TULP3: variants seen among roughly 807,000 people sequenced by gnomAD.
TULP3 encodes TUB like protein 3, also known as tubby-related protein 3.
Under a neutral mutation model 50.7 loss-of-function variants are expected in TULP3, and 38 were observed. The observed-to-expected ratio is 0.75, with a 90% CI of 0.58 to 0.98. The LOEUF is 0.98. Among genes scored for constraint, TULP3 ranks in the 50% least tolerant of loss-of-function variants. The probability of loss-of-function intolerance (pLI) is 0.00; values close to 1 mark genes in which losing one functional copy is unlikely to be tolerated. For synonymous variants in TULP3, 183 were observed against 196.6 expected, an observed-to-expected ratio of 0.93 and a Z score of 0.58; for missense variants, 550 against 568.0, an observed-to-expected ratio of 0.97 and a Z score of 0.32.
intron 1 of TULP3, among the ~76,000 whole-genome samples, chr12:2,900,692 A>C (rs2098178627): frequency 8.2e-6 from 1 of 121,820 alleles, no homozygotes; most frequent in African/African-American, 3.5e-5. Context: ...TAGACCTTGC[A>C]GATACTTTTT....
At position 2,941,033 on chromosome 12, in the gene TULP3, T is replaced by C. The variant is rs1056621734; in HGVS notation, c.*1589T>C. The C allele has an allele frequency of 1.2e-4, 37 of 313,966 alleles. 1 individual carries two copies. The highest frequency in any genetic ancestry group is 2.4e-4 in the Admixed American group (5 of 21,014). 19.4% of individuals were successfully genotyped at this position (313,966 alleles called of 1,614,324 possible). On this transcript the variant is annotated 3_prime_UTR_variant, in exon 11 of 11. Coordinates refer to ENST00000448120, the MANE Select transcript of TULP3 (RefSeq NM_003324.5). ...TTCCTCCCTCTGGTTTAAAGAGATATATAAACTAATTTCACATAATTTGTG... is the reference window on the plus strand; with the variant it reads ...TTCCTCCCTCTGGTTTAAAGAGATACATAAACTAATTTCACATAATTTGTG...
intron 1 of TULP3, among the ~76,000 whole-genome samples, chr12:2,905,655 T>G (rs986619239): frequency 1.7e-4 from 26 of 152,202 alleles, no homozygotes; most frequent in African/African-American, 6.0e-4. Flanking sequence ...TCAAAATGCT[T>G]TGATTATACC....
At chr12:2,896,270 C>T (rs993984325) in intron 1 of TULP3, among the ~76,000 whole-genome samples, 3 of 152,180 alleles carry the variant, frequency 2.0e-5, no homozygotes, top group Non-Finnish European at 2.9e-5. Flanking sequence ...TTAGGGGACC[C>T]CTGTTGTATA....
intron 4 of TULP3, 99 bp from the exon 5 acceptor site, chr12:2,930,149 G>A (rs968132642): frequency 6.1e-6 from 5 of 825,822 alleles, no homozygotes; most frequent in African/African-American, 1.7e-5. Flanking sequence ...GGTCAGAATA[G>A]TTAAGAATGT....
rs191893701 is a variant in TULP3, at chr12:2,940,368, G to A, written c.*924G>A. 1.4e-6 allele frequency: 2 copies of A among 1,454,614 alleles called. No individual in the cohort carries two copies. Among genetic ancestry groups the A allele is most frequent in the Non-Finnish European group, 1.8e-6 (2 of 1,109,808 alleles). 90.1% of individuals were successfully genotyped at this position (1,454,614 alleles called of 1,614,324 possible). On this transcript the variant is annotated 3_prime_UTR_variant, in exon 11 of 11. Transcript: ENST00000448120. ...GCAGGAGAGGCTTTGGGGAGGATCA[G>A]CCAGCAGACATGAGCACTGCTGGCC...
intron 1 of TULP3, among the ~76,000 whole-genome samples, chr12:2,900,183 A>T (rs957349780): frequency 6.6e-6 from 1 of 152,176 alleles, no homozygotes; most frequent in Non-Finnish European, 1.5e-5. Context: ...AGATCGCGCC[A>T]CTGTACTCCA....
chr12:2,930,983 G>GA (rs1247466709), intron 5 of TULP3, 54 bp from the exon 6 acceptor site: 1 of 1,595,460 alleles, frequency 6.3e-7, no homozygotes, highest in African/African-American at 1.3e-5. Context: ...TTTTCAAAGA[G>GA]AATCAGATTT....
intron 8 of TULP3, among the ~76,000 whole-genome samples, chr12:2,936,468 AG>A (rs1275283939): frequency 3.4e-5 from 5 of 147,756 alleles, no homozygotes; most frequent in African/African-American, 1.3e-4. Flanking sequence ...CAAGAGTAAG[AG>A]GCCGGGCGTG....
chr12:2,921,641 A>G (rs1353811255), intron 3 of TULP3, among the ~76,000 whole-genome samples: 2 of 152,196 alleles, frequency 1.3e-5, no homozygotes, highest in Non-Finnish European at 2.9e-5. Flanking sequence ...CCTCTAAATC[A>G]AGCCACTGGA....
intron 2 of TULP3, among the ~76,000 whole-genome samples, chr12:2,917,982 C>T (rs575858336): frequency 2.1e-4 from 32 of 151,554 alleles, no homozygotes; most frequent in Non-Finnish European, 4.1e-4. Flanking sequence ...CTAGCTACTC[C>T]GGAGGCTGAG....
In TULP3 at chr12:2,938,056, C is replaced by T. The variant is rs888130572; in HGVS notation, c.1024-58C>T. 1.5e-5 allele frequency: 23 copies of T among 1,575,952 alleles called. No individual in the cohort carries two copies. In the African/African-American group the frequency reaches 2.7e-4, roughly 18 times the overall value. On this transcript the variant is annotated intron_variant, in intron 9 of 10. Coordinates refer to ENST00000448120, the MANE Select transcript of TULP3 (RefSeq NM_003324.5). ...TGGAGAAAGTATTCTCCTACTCTAC[C>T]TTCTACCTCGTAGAGTTGGAGTTCT...
chr12:2,911,664 C>CTTTCT (rs2098185714), intron 2 of TULP3, among the ~76,000 whole-genome samples: 1 of 38,130 alleles, frequency 2.6e-5, no homozygotes, highest in Admixed American at 4.1e-4. Context: ...TGCGCCCAGC[C>CTTTCT]TTTTTTTTTT....
Position 2,900,257 on chromosome 12 carries a change from A to G in TULP3, c.41+9269A>G, listed in dbSNP as rs141929469. Among the ~76,000 whole-genome samples the G allele has an allele frequency of 5.2e-3, 788 of 152,212 alleles. 5 individuals carry two copies. Among genetic ancestry groups the G allele is most frequent in the African/African-American group, 0.018 (731 of 41,548 alleles). ...ACAAAAAAACTTGGATTCTAAAGAT[A>G]CGTTGTTCTGTAGATGGTCTCTGGA... On this transcript the variant is annotated intron_variant, in intron 1 of 10. Coordinates refer to ENST00000448120, the MANE Select transcript of TULP3 (RefSeq NM_003324.5).
chr12:2,904,077 T>C (rs1214311428), intron 1 of TULP3, among the ~76,000 whole-genome samples: 1 of 152,164 alleles, frequency 6.6e-6, no homozygotes, highest in Non-Finnish European at 1.5e-5. Context: ...CCACCGTGCC[T>C]GGCCTAATGT....
intron 1 of TULP3, among the ~76,000 whole-genome samples, chr12:2,894,538 A>AACACACACACACACACACACACAC (rs56834874): frequency 4.7e-5 from 7 of 147,726 alleles, no homozygotes; most frequent in African/African-American, 1.8e-4. Flanking sequence ...CCGTCTCAAA[A>AACACACACACACACACACACACAC]ACACACACAC....
Position 2,940,643 on chromosome 12 carries a change from C to T in TULP3, c.*1199C>T, listed in dbSNP as rs753542913. On this transcript the variant is annotated 3_prime_UTR_variant, in exon 11 of 11. Coordinates refer to ENST00000448120, the MANE Select transcript of TULP3 (RefSeq NM_003324.5). ...CCAGCGTTGGGTGGGACACCCGTGGCGGCTGCTCCCTCAGACCTCCCTTCT... is the reference window on the plus strand; with the variant it reads ...CCAGCGTTGGGTGGGACACCCGTGGTGGCTGCTCCCTCAGACCTCCCTTCT... 19 of 1,551,596 alleles carry T rather than the reference C, an allele frequency of 1.2e-5. No individual in the cohort carries two copies. The highest frequency in any genetic ancestry group is 8.3e-5 in the South Asian group (7 of 84,066).
rs1344763955 is a variant in TULP3, at chr12:2,894,299, GC to G, written c.41+3312del. Among the ~76,000 whole-genome samples, 24 of 118,406 alleles carry G rather than the reference GC, an allele frequency of 2.0e-4. 1 individual carries two copies. The highest frequency in any genetic ancestry group is 9.0e-4 in the Admixed American group (10 of 11,100). 77.7% of individuals were successfully genotyped at this position (118,406 alleles called of 152,430 possible). A position where few individuals can be genotyped will look rare whatever the true frequency, so the allele number is the denominator to read the frequency against. The stretch of plus-strand genomic sequence containing the variant: ...GAGGCCGAGATGGCGGGGGGGCGGG[GC>G]GGGGGGGGGGAAATCACCTGAGGTC... On this transcript the variant is annotated intron_variant, in intron 1 of 10. Coordinates refer to ENST00000448120, the MANE Select transcript of TULP3 (RefSeq NM_003324.5).
chr12:2,940,712 C>T lies in TULP3; in HGVS notation c.*1268C>T, dbSNP rs2098204304. On this transcript the variant is annotated 3_prime_UTR_variant, in exon 11 of 11. Coordinates refer to ENST00000448120, the MANE Select transcript of TULP3 (RefSeq NM_003324.5). ...TCCGCCTGTTGTTCCTGCACCACATCAGATAAGCATGTGAAGGAGGGCCAA... is the reference window on the plus strand; with the variant it reads ...TCCGCCTGTTGTTCCTGCACCACATTAGATAAGCATGTGAAGGAGGGCCAA... 6.4e-7 allele frequency: 1 copy of T among 1,550,550 alleles called. No individual in the cohort carries two copies. The highest frequency in any genetic ancestry group is 2.0e-5 in the Admixed American group (1 of 50,848).
intron 4 of TULP3, among the ~76,000 whole-genome samples, chr12:2,923,854 C>T (rs1466782589): frequency 6.6e-6 from 1 of 151,724 alleles, no homozygotes; most frequent in Admixed American, 6.6e-5. Flanking sequence ...GTGGCGCACA[C>T]CTGTAGTCCC....
Sources: allele counts gnomAD v4.1 joint callset (sites outside exome capture counted in the v4.1 genomes callset), GRCh38; gene constraint gnomAD v4.1.1; transcripts MANE v1.5; gene names NCBI Gene and HGNC (gene_info 2026-07-23, HGNC 2026-07-21).